The following INPP4B variants were observed in gnomAD, a reference collection of about 807,000 sequenced individuals.
The protein encoded by INPP4B is inositol polyphosphate-4-phosphatase type II B.
In INPP4B, 55 loss-of-function variants were observed where a neutral mutation model predicts 122.5. The observed-to-expected ratio is 0.45, with a 90% CI of 0.36 to 0.56. The LOEUF is 0.56. INPP4B is among the 20% of genes least tolerant of loss of function. The probability of loss-of-function intolerance (pLI) is 0.00; values close to 1 mark genes in which losing one functional copy is unlikely to be tolerated. For missense variants in INPP4B, 1,000 were observed against 1,097.7 expected, an observed-to-expected ratio of 0.91 and a Z score of 1.26; for synonymous variants, 403 against 388.7, an observed-to-expected ratio of 1.04 and a Z score of -0.43.
chr4:142,571,072 A>C (rs2150158967), intron 2 of INPP4B, among the ~76,000 whole-genome samples: 1 of 143,708 alleles, frequency 7.0e-6, no homozygotes, highest in Admixed American at 7.1e-5. Flanking sequence ...GTCCTCACTC[A>C]GTCTTTTCAT....
At chr4:142,663,508 A>G (rs1251929994) in intron 2 of INPP4B, among the ~76,000 whole-genome samples, 5 of 152,080 alleles carry the variant, frequency 3.3e-5, no homozygotes. Context: ...ATCTTTAAGA[A>G]CTGTCTAAGT....
rs531380286 is a variant in INPP4B at position 142,154,892 on chromosome 4, G to C, written c.1563+5466C>G. ...TTTTTTTCCTATCAAAGCTTATAAA[G>C]TTCATGAACACATGGAGAAAACAGA... On this transcript the variant is annotated intron_variant, in intron 17 of 25. Coordinates refer to ENST00000262992, the MANE Select transcript of INPP4B (RefSeq NM_001101669.3). Among the ~76,000 whole-genome samples the C allele has an allele frequency of 5.3e-5, 8 of 152,000 alleles. No individual in the cohort carries two copies. The East Asian group carries it at 1.5e-3, about 29-fold the overall frequency.
At chr4:142,682,266 CCT>C (rs914064396) in intron 2 of INPP4B, among the ~76,000 whole-genome samples, 9 of 151,360 alleles carry the variant, frequency 5.9e-5, no homozygotes, top group Non-Finnish European at 3.0e-5. Context: ...TTAATCTCTC[CCT>C]CTCTCTCCCT....
At chr4:142,255,293 C>T (rs896513342) in intron 11 of INPP4B, among the ~76,000 whole-genome samples, 14 of 151,894 alleles carry the variant, frequency 9.2e-5, no homozygotes, top group African/African-American at 3.4e-4. Flanking sequence ...AGAACTGCAT[C>T]AACTAAGGAG....
chr4:142,437,224 A>C (rs1241331365), intron 3 of INPP4B, among the ~76,000 whole-genome samples: 1 of 152,070 alleles, frequency 6.6e-6, no homozygotes, highest in South Asian at 2.1e-4. Context: ...AAAAGAATGA[A>C]AAGGAACCAA....
chr4:142,317,352 C>A, intron 7 of INPP4B: 1 of 345,412 alleles, frequency 2.9e-6, no homozygotes, highest in South Asian at 2.8e-5. Flanking sequence ...TGACTGATGG[C>A]TTCAAGGCAG....
At chr4:142,703,461 G>A (rs1051623113) in intron 2 of INPP4B, among the ~76,000 whole-genome samples, 5 of 152,138 alleles carry the variant, frequency 3.3e-5, no homozygotes, top group African/African-American at 1.2e-4. Flanking sequence ...GCCTTAAACA[G>A]ATTGTTAAGA....
intron 25 of INPP4B, among the ~76,000 whole-genome samples, chr4:142,067,938 A>C (rs368524329): frequency 1.2e-4 from 19 of 152,294 alleles, no homozygotes; most frequent in African/African-American, 3.4e-4. Flanking sequence ...CTTCCCCAAC[A>C]TAGCAAGGCA....
chr4:142,341,516 C>A (rs886757352), intron 7 of INPP4B, among the ~76,000 whole-genome samples: 3 of 152,058 alleles, frequency 2.0e-5, no homozygotes, highest in Non-Finnish European at 2.9e-5. Flanking sequence ...GCTCTCATGA[C>A]TCCCCCGGCA....
At chr4:142,411,670 T>C (rs1804621538) in intron 5 of INPP4B, among the ~76,000 whole-genome samples, 1 of 152,176 alleles carries the variant, frequency 6.6e-6, no homozygotes, top group Non-Finnish European at 1.5e-5. Context: ...GGCAGGCGGA[T>C]CACTTGAGGT....
intron 11 of INPP4B, among the ~76,000 whole-genome samples, chr4:142,253,311 T>A (rs576233406): frequency 5.3e-5 from 8 of 152,294 alleles, no homozygotes; most frequent in African/African-American, 1.7e-4. Flanking sequence ...ACAACATTTT[T>A]AAAATCTTTT....
chr4:142,827,773 C>T (rs1781624837), intron 1 of INPP4B, among the ~76,000 whole-genome samples: 2 of 152,146 alleles, frequency 1.3e-5, no homozygotes, highest in Admixed American at 6.6e-5. Context: ...CGTTAATGGT[C>T]CTTTCTTTCT....
chr4:142,512,901 C>T (rs561362522), intron 2 of INPP4B, among the ~76,000 whole-genome samples: 16 of 152,228 alleles, frequency 1.1e-4, no homozygotes, highest in East Asian at 3.9e-4. Flanking sequence ...CCCACCACCA[C>T]GGTAACTATA....
chr4:142,687,019 GA>G (rs910865510), intron 2 of INPP4B, among the ~76,000 whole-genome samples: 6 of 151,906 alleles, frequency 3.9e-5, no homozygotes, highest in East Asian at 1.9e-4. Context: ...AATTTCAGGA[GA>G]AAAAAAATTC....
intron 5 of INPP4B, chr4:142,427,301 A>T: frequency 2.7e-6 from 1 of 370,096 alleles, no homozygotes; most frequent in Non-Finnish European, 4.7e-6. Context: ...TTTTTAGTAA[A>T]CTTGTGTTCG....
chr4:142,330,546 T>TACACGCGCACGCACACACAC (rs1480579280), intron 7 of INPP4B, among the ~76,000 whole-genome samples: 12 of 152,004 alleles, frequency 7.9e-5, no homozygotes, highest in African/African-American at 2.9e-4. Context: ...CGCACACACA[T>TACACGCGCACGCACACACAC]ACACGCGCAC....
intron 7 of INPP4B, among the ~76,000 whole-genome samples, chr4:142,339,624 C>A (rs1372073497): frequency 2.0e-5 from 3 of 152,146 alleles, no homozygotes; most frequent in Admixed American, 6.5e-5. Context: ...TAATGTTTAG[C>A]ACCCTCTTGT....
intron 2 of INPP4B, among the ~76,000 whole-genome samples, chr4:142,548,026 T>C (rs1382050545): frequency 1.3e-5 from 2 of 152,158 alleles, no homozygotes; most frequent in Non-Finnish European, 2.9e-5. Context: ...AAGCTAAGGC[T>C]TGTTATTAAT....
At chr4:142,800,933 A>G (rs143718679) in intron 1 of INPP4B, among the ~76,000 whole-genome samples, 3 of 152,322 alleles carry the variant, frequency 2.0e-5, no homozygotes, top group African/African-American at 7.2e-5. Context: ...CTGAGAGTCC[A>G]TCTGTAGAGA....
Sources: allele counts gnomAD v4.1 joint callset (sites outside exome capture counted in the v4.1 genomes callset), GRCh38; gene constraint gnomAD v4.1.1; transcripts MANE v1.5; gene names NCBI Gene and HGNC (gene_info 2026-07-23, HGNC 2026-07-21).